Variants in IQANK1 observed in about 807,000 individuals in gnomAD.
The protein encoded by IQANK1 is IQ motif and ankyrin repeat domain-containing protein 1.
IQANK1 carries 30 observed loss-of-function variants against 22.6 expected under a neutral mutation model. The ratio of observed to expected loss-of-function variants is 1.33; its 90% CI spans 0.99 to 1.80. IQANK1 has a LOEUF of 1.80. Ranked by LOEUF, IQANK1 falls within the 40% of genes most tolerant of loss-of-function variation. The probability of loss-of-function intolerance (pLI) is 0.00; values close to 1 mark genes in which losing one functional copy is unlikely to be tolerated. For synonymous variants in IQANK1, 122 were observed against 99.6 expected, an observed-to-expected ratio of 1.23 and a Z score of -1.34; for missense variants, 275 against 235.2, an observed-to-expected ratio of 1.17 and a Z score of -1.11.
chr8:143,744,068 G>T (rs767261274), intron 3 of IQANK1: 15 of 251,386 alleles, frequency 6.0e-5, no homozygotes, highest in Non-Finnish European at 1.1e-4. Flanking sequence ...TCTTGACCTT[G>T]TGATCCGCCC....
intron 3 of IQANK1, among the ~76,000 whole-genome samples, chr8:143,767,322 G>A (rs2129895280): frequency 1.3e-5 from 2 of 152,254 alleles, no homozygotes; most frequent in Middle Eastern, 3.4e-3. Context: ...TTTTGTCTTA[G>A]TGCTCTTCAG....
At chr8:143,751,650 G>GTA (rs1223222979) in intron 3 of IQANK1, among the ~76,000 whole-genome samples, 1,018 of 27,780 alleles carry the variant, frequency 0.037, 34 homozygotes, top group African/African-American at 0.077. Context: ...GTGTGTGTGT[G>GTA]TGTGTGTGTG....
At chr8:143,750,428 A>C (rs1007618626) in intron 3 of IQANK1, among the ~76,000 whole-genome samples, 1 of 152,144 alleles carries the variant, frequency 6.6e-6, no homozygotes, top group Non-Finnish European at 1.5e-5. Flanking sequence ...GTGTTTTTCA[A>C]TCTAAAGTGA....
chr8:143,754,792 A>C (rs531904434), intron 3 of IQANK1, among the ~76,000 whole-genome samples: 1 of 151,962 alleles, frequency 6.6e-6, no homozygotes, highest in South Asian at 2.1e-4. Flanking sequence ...CGCCCGGCTA[A>C]TTTTTTTGTA....
intron 7 of IQANK1, among the ~76,000 whole-genome samples, chr8:143,782,728 G>A (rs547143767): frequency 1.1e-4 from 16 of 152,220 alleles, no homozygotes; most frequent in Admixed American, 3.3e-4. Context: ...TGCCCACCTC[G>A]GTCTCCCGAA....
At chr8:143,786,097 G>A (rs979416525) in intron 7 of IQANK1, among the ~76,000 whole-genome samples, 11 of 151,670 alleles carry the variant, frequency 7.3e-5, no homozygotes, top group African/African-American at 2.7e-4. Context: ...TTCTGGGCTC[G>A]AGCAATCTGC....
intron 3 of IQANK1, chr8:143,742,963 A>G (rs1563768382): frequency 6.6e-6 from 3 of 456,064 alleles, no homozygotes; most frequent in South Asian, 4.6e-5. Context: ...GCCTAGATCT[A>G]TGGACCCCTT....
chr8:143,738,782 C>G (rs1220149262), intron 2 of IQANK1, among the ~76,000 whole-genome samples: 3 of 152,216 alleles, frequency 2.0e-5, no homozygotes, highest in African/African-American at 4.8e-5. Flanking sequence ...GAGCTGCATC[C>G]TGGTCGCACT....
At chr8:143,742,883 C>CG (rs1563768346) in intron 3 of IQANK1, 1 of 456,108 alleles carries the variant, frequency 2.2e-6, no homozygotes, top group Non-Finnish European at 4.4e-6. Context: ...CTGGCAAGCA[C>CG]GGGGTCTTTC....
chr8:143,754,803 T>C (rs996003286), intron 3 of IQANK1, among the ~76,000 whole-genome samples: 2 of 152,116 alleles, frequency 1.3e-5, no homozygotes, highest in African/African-American at 4.8e-5. Flanking sequence ...TTTTTTTGTA[T>C]TTTTAGTAGA....
intron 3 of IQANK1, among the ~76,000 whole-genome samples, chr8:143,753,458 C>CTTTT (rs1343991267): frequency 7.7e-6 from 1 of 130,406 alleles, no homozygotes; most frequent in African/African-American, 2.8e-5. Flanking sequence ...GGGAAAGTTT[C>CTTTT]TTTTTTTTTT....
In IQANK1 at chr8:143,763,477, G is replaced by C. The variant is rs201366973; in HGVS notation, c.176-8011G>C. On this transcript the variant is annotated intron_variant, in intron 3 of 13. Coordinates refer to ENST00000527139, the MANE Select transcript of IQANK1 (RefSeq NM_001381874.1). ...AAGTGTGATCCCCAATGTCAAAAGT[G>C]GGGCCTGGTGGGAGGTGTTTGGATC... 3.3e-5 allele frequency among the ~76,000 whole-genome samples: 5 copies of C among 152,194 alleles called. No homozygotes were observed. In the East Asian group the frequency reaches 9.6e-4, roughly 29 times the overall value.
intron 3 of IQANK1, among the ~76,000 whole-genome samples, chr8:143,755,312 T>G (rs1369444620): frequency 6.6e-6 from 1 of 152,206 alleles, no homozygotes; most frequent in Non-Finnish European, 1.5e-5. Context: ...AATAAGTTCC[T>G]TAGTCCGCAT....
In IQANK1 at chr8:143,749,151, T is replaced by C. The variant is rs1302494098; in HGVS notation, c.175+9203T>C. Among the ~76,000 whole-genome samples the C allele has an allele frequency of 2.5e-5, 3 of 119,718 alleles. No homozygotes were observed. In the East Asian group the frequency reaches 7.2e-4, roughly 29 times the overall value. 78.5% of individuals were successfully genotyped at this position (119,718 alleles called of 152,430 possible). A position where few individuals can be genotyped will look rare whatever the true frequency, so the allele number is the denominator to read the frequency against. ...CATATATGATATATATCATACATGA[T>C]ATAAATGTATATATCAATATATATA... On this transcript the variant is annotated intron_variant, in intron 3 of 13. Transcript: ENST00000527139.
chr8:143,754,822 T>C (rs1563772348), intron 3 of IQANK1, among the ~76,000 whole-genome samples: 1 of 152,068 alleles, frequency 6.6e-6, no homozygotes, highest in Non-Finnish European at 1.5e-5. Flanking sequence ...GAGACGGGGT[T>C]TCACTGCATT....
chr8:143,771,271 G>T lies in IQANK1; in HGVS notation c.176-217G>T, dbSNP rs1819564910. On this transcript the variant is annotated intron_variant, in intron 3 of 13. Coordinates refer to ENST00000527139, the MANE Select transcript of IQANK1 (RefSeq NM_001381874.1). The surrounding 1 kb of genome is among the most constrained non-coding windows in gnomAD (Gnocchi z 6.0). ...GCGGCGTGGGGCGGGGGAGGTTCCC[G>T]CAGACCTGGGTCCTCTCCGCGTCCC... Among the ~76,000 whole-genome samples the T allele has an allele frequency of 6.6e-6, 1 of 152,086 alleles. No individual in the cohort carries two copies. Among genetic ancestry groups the T allele is most frequent in the Non-Finnish European group, 1.5e-5 (1 of 67,974 alleles).
chr8:143,790,401 C>T lies in IQANK1; in HGVS notation c.1476C>T (p.Val492=), dbSNP rs1031028605. 12 of 837,374 alleles carry T rather than the reference C, an allele frequency of 1.4e-5. No individual in the cohort carries two copies. Among genetic ancestry groups the T allele is most frequent in the African/African-American group, 1.8e-5 (1 of 56,048 alleles). 51.9% of individuals were successfully genotyped at this position (837,374 alleles called of 1,614,324 possible). ...TGCGAGAGGAAGACCTGTTCCCAGT[C>T]GTGCAGCGGCAGCTGGAGGCGGTGC... ...FDLREEDLFP[V]VQRQLEAVQE... Residue 492 remains valine (V), a synonymous_variant, in exon 14 of 14, where the codon GTC becomes GTT. Coordinates refer to ENST00000527139, the MANE Select transcript of IQANK1 (RefSeq NM_001381874.1).
At chr8:143,781,622 A>T (rs1253717228) in intron 7 of IQANK1, among the ~76,000 whole-genome samples, 2 of 152,190 alleles carry the variant, frequency 1.3e-5, no homozygotes, top group Non-Finnish European at 2.9e-5. Context: ...GTTGAAGATC[A>T]GGTGGTTGTA....
intron 2 of IQANK1, among the ~76,000 whole-genome samples, chr8:143,738,459 C>T (rs576839598): frequency 5.3e-5 from 8 of 152,316 alleles, no homozygotes; most frequent in Non-Finnish European, 1.0e-4. Flanking sequence ...TGACCCCACT[C>T]GGTGGGGCCA....
Sources: gnomAD v4.1 joint callset for allele counts (sites outside exome capture counted in the v4.1 genomes callset) on GRCh38, gnomAD v4.1.1 for gene constraint, Gnocchi (gnomAD v3.1) non-coding constraint, MANE v1.5 for transcripts, NCBI Gene and HGNC (gene_info 2026-07-23, HGNC 2026-07-21) for gene names.